RGS7: variants seen among roughly 807,000 people sequenced by gnomAD.
RGS7 encodes regulator of G protein signaling 7.
RGS7 carries 27 observed loss-of-function variants against 81.1 expected under a neutral mutation model. That is an observed-to-expected ratio of 0.33 (90% CI 0.25 to 0.46). RGS7 has a LOEUF of 0.46. RGS7 is among the 20% of genes least tolerant of loss of function. The pLI, the probability that RGS7 is intolerant of heterozygous loss-of-function variation, is 1.00. For missense variants in RGS7, 396 were observed against 607.4 expected (o/e 0.65, Z 3.66); for synonymous variants, 208 against 207.7 (o/e 1.00, Z -0.01).
At chr1:241,251,250 C>T (rs947182376) in intron 2 of RGS7, among the ~76,000 whole-genome samples, 36 of 152,076 alleles carry the variant, frequency 2.4e-4, no homozygotes, top group African/African-American at 8.5e-4. Flanking sequence ...TGAAAAAGTA[C>T]CTGAAGCCTT....
chr1:241,238,145 G>A (rs1368554966), intron 2 of RGS7, among the ~76,000 whole-genome samples: 1 of 152,184 alleles, frequency 6.6e-6, no homozygotes, highest in Non-Finnish European at 1.5e-5. Context: ...GTGCTGTGAG[G>A]AAGTGTTGTG....
chr1:241,330,538 T>C (rs2081916298), intron 2 of RGS7, among the ~76,000 whole-genome samples: 1 of 152,186 alleles, frequency 6.6e-6, no homozygotes, highest in South Asian at 2.1e-4. Flanking sequence ...CAGTGTGACC[T>C]GAAAGTGTAA....
intron 10 of RGS7, among the ~76,000 whole-genome samples, chr1:240,823,767 C>G (rs1692263304): frequency 6.6e-6 from 1 of 152,056 alleles, no homozygotes; most frequent in East Asian, 1.9e-4. Flanking sequence ...CTCAGTAATC[C>G]TGGGAGTCAA....
At chr1:240,968,745 T>C (rs1351689492) in intron 4 of RGS7, among the ~76,000 whole-genome samples, 1 of 152,162 alleles carries the variant, frequency 6.6e-6, no homozygotes, top group Non-Finnish European at 1.5e-5. Context: ...GAGATGGATA[T>C]GTTCCTAGGA....
At chr1:241,143,227 T>G (rs1214683879) in intron 2 of RGS7, among the ~76,000 whole-genome samples, 9 of 152,196 alleles carry the variant, frequency 5.9e-5, no homozygotes, top group Non-Finnish European at 2.9e-5. Context: ...TATTCCAACC[T>G]CTGCCTGTTA....
At chr1:241,117,530 G>T (rs949213251) in intron 2 of RGS7, among the ~76,000 whole-genome samples, 3 of 152,290 alleles carry the variant, frequency 2.0e-5, no homozygotes, top group Non-Finnish European at 4.4e-5. Flanking sequence ...CTCTGGGAGG[G>T]ATCTTTGATT....
intron 3 of RGS7, among the ~76,000 whole-genome samples, chr1:241,093,439 C>T (rs1289437420): frequency 6.6e-6 from 1 of 151,938 alleles, no homozygotes; most frequent in Non-Finnish European, 1.5e-5. Flanking sequence ...AAATACTAGC[C>T]CACAAAACCC....
chr1:241,340,766 A>G (rs977916307), intron 2 of RGS7, among the ~76,000 whole-genome samples: 4 of 152,182 alleles, frequency 2.6e-5, no homozygotes, highest in African/African-American at 4.8e-5. Context: ...GAAGAAAAAG[A>G]AAATACTAGA....
At chr1:240,960,232 T>TTTTTTTTTG (rs71172665) in intron 4 of RGS7, among the ~76,000 whole-genome samples, 5 of 70,234 alleles carry the variant, frequency 7.1e-5, no homozygotes, top group Non-Finnish European at 9.4e-5. Flanking sequence ...TTTTTTTTTT[T>TTTTTTTTTG]TTGTTGTTGT....
At chr1:241,316,912 T>C (rs1375371670) in intron 2 of RGS7, among the ~76,000 whole-genome samples, 1 of 152,216 alleles carries the variant, frequency 6.6e-6, no homozygotes, top group Admixed American at 6.5e-5. Context: ...CAGAATAATA[T>C]ATGTGTTTAC....
intron 3 of RGS7, among the ~76,000 whole-genome samples, chr1:241,037,762 T>A (rs2060409014): frequency 6.7e-6 from 1 of 150,112 alleles, no homozygotes; most frequent in South Asian, 2.1e-4. Flanking sequence ...GTGGTATATG[T>A]ACACCGTGGA....
intron 3 of RGS7, among the ~76,000 whole-genome samples, chr1:241,016,360 A>C: frequency 6.6e-6 from 1 of 152,116 alleles, no homozygotes; most frequent in East Asian, 1.9e-4. Flanking sequence ...TCTACTAAAA[A>C]TACAAAAATT....
At chr1:241,167,484 G>A (rs1469561941) in intron 2 of RGS7, among the ~76,000 whole-genome samples, 1 of 151,960 alleles carries the variant, frequency 6.6e-6, no homozygotes, top group Non-Finnish European at 1.5e-5. Flanking sequence ...TCAACCAGGA[G>A]ATTTCCACAG....
intron 2 of RGS7, among the ~76,000 whole-genome samples, chr1:241,327,927 G>A (rs1261898582): frequency 6.6e-6 from 1 of 152,106 alleles, no homozygotes; most frequent in Non-Finnish European, 1.5e-5. Context: ...AGTACAGACT[G>A]TAAAATAAAG....
intron 2 of RGS7, among the ~76,000 whole-genome samples, chr1:241,345,042 T>C (rs2082800301): frequency 6.6e-6 from 1 of 152,238 alleles, no homozygotes; most frequent in Non-Finnish European, 1.5e-5. Context: ...CATCATGGAA[T>C]GCTATGCAGC....
At chr1:241,162,998 T>C (rs10158594) in intron 2 of RGS7, among the ~76,000 whole-genome samples, 12,061 of 152,164 alleles carry the variant, frequency 0.079, 1,651 homozygotes, top group African/African-American at 0.28. Flanking sequence ...CTTTAAAAAA[T>C]GTGTTGAAGA....
At chr1:241,101,529 A>G (rs923736195) in intron 2 of RGS7, among the ~76,000 whole-genome samples, 5 of 152,036 alleles carry the variant, frequency 3.3e-5, no homozygotes, top group African/African-American at 1.2e-4. Flanking sequence ...ATAAAAAAGA[A>G]AGAAAAAAAA....
In RGS7 at chr1:240,786,281, AT is replaced by A. The variant is rs577604595; in HGVS notation, c.*7-10069del. ...TTTTATACACAGATACATGTTTAAA[AT>A]TTTTTTTACAAAACTGAAATTATAC... On this transcript the variant is annotated intron_variant, in intron 18 of 18. Coordinates refer to ENST00000440928, the MANE Select transcript of RGS7 (RefSeq NM_001364886.1). Among the ~76,000 whole-genome samples, 433 of 152,158 alleles carry A rather than the reference AT, an allele frequency of 2.8e-3. 2 individuals carry two copies. The highest frequency in any genetic ancestry group is 9.3e-3 in the African/African-American group (387 of 41,532).
rs79183542 is a variant in RGS7 at position 241,312,112 on chromosome 1, A to G, written c.78+43587T>C. On this transcript the variant is annotated intron_variant, in intron 2 of 18. Coordinates refer to ENST00000440928, the MANE Select transcript of RGS7 (RefSeq NM_001364886.1). ...AGATTACCAAATACAGGGAGATTTT[A>G]CTTTCATTCTCCAATCATTCATCAG... 3.5e-4 allele frequency among the ~76,000 whole-genome samples: 53 copies of G among 152,344 alleles called. No individual in the cohort carries two copies. The East Asian group carries it at 9.3e-3, about 27-fold the overall frequency.
Sources: gnomAD v4.1 joint callset for allele counts (sites outside exome capture counted in the v4.1 genomes callset) on GRCh38, gnomAD v4.1.1 for gene constraint, MANE v1.5 for transcripts, NCBI Gene and HGNC (gene_info 2026-07-23, HGNC 2026-07-21) for gene names.